Variants in POU6F2 observed in about 807,000 individuals in gnomAD.
POU6F2 encodes POU class 6 homeobox 2, also known as POU domain, class 6, transcription factor 2.
A neutral mutation model predicts 71.3 loss-of-function variants in POU6F2; 31 were observed. That is an observed-to-expected ratio of 0.43 (90% CI 0.33 to 0.59). The LOEUF (loss-of-function observed/expected upper bound fraction) is 0.59. Among genes scored for constraint, POU6F2 ranks in the 20% least tolerant of loss-of-function variants. POU6F2 has a pLI of 0.04. For missense variants in POU6F2, 783 were observed against 856.8 expected, an observed-to-expected ratio of 0.91 and a Z score of 1.07; for synonymous variants, 347 against 355.7, an observed-to-expected ratio of 0.98 and a Z score of 0.27.
intron 4 of POU6F2, among the ~76,000 whole-genome samples, chr7:39,244,522 A>C (rs991029213): frequency 6.6e-6 from 1 of 152,202 alleles, no homozygotes; most frequent in Non-Finnish European, 1.5e-5. Flanking sequence ...AATAGCTGGA[A>C]CTGGTATTAA....
intron 6 of POU6F2, among the ~76,000 whole-genome samples, chr7:39,419,308 T>C (rs1338946124): frequency 6.6e-6 from 1 of 151,822 alleles, no homozygotes; most frequent in Non-Finnish European, 1.5e-5. Flanking sequence ...TTGCCATCTC[T>C]GCTCACTGCA....
intron 2 of POU6F2, among the ~76,000 whole-genome samples, chr7:39,150,574 C>T (rs1377135298): frequency 6.9e-6 from 1 of 145,726 alleles, no homozygotes; most frequent in Non-Finnish European, 1.5e-5. Flanking sequence ...TCCAGTGATT[C>T]TCCTGCCTCA....
chr7:39,225,650 A>G lies in POU6F2; in HGVS notation c.598+18030A>G, dbSNP rs576366362. On this transcript the variant is annotated intron_variant, in intron 4 of 9. Coordinates refer to ENST00000518318, the MANE Select transcript of POU6F2 (RefSeq NM_001370959.1). Reference sequence around the variant, plus strand: ...CCATGAAGGGAAAAATTCCACATCCACGACATTCATAGAATTATCAGGTAT... The same window carrying G: ...CCATGAAGGGAAAAATTCCACATCCGCGACATTCATAGAATTATCAGGTAT... Among the ~76,000 whole-genome samples the G allele has an allele frequency of 2.0e-5, 3 of 152,376 alleles. No homozygotes were observed. The East Asian group carries it at 5.8e-4, about 29-fold the overall frequency.
chr7:39,225,931 G>C (rs1018210703), intron 4 of POU6F2, among the ~76,000 whole-genome samples: 1 of 151,230 alleles, frequency 6.6e-6, no homozygotes, highest in Non-Finnish European at 1.5e-5. Flanking sequence ...TCTCATGCCA[G>C]GTTTTAATGT....
At chr7:39,116,953 C>A (rs1052875941) in intron 2 of POU6F2, among the ~76,000 whole-genome samples, 1 of 152,024 alleles carries the variant, frequency 6.6e-6, no homozygotes, top group Non-Finnish European at 1.5e-5. Flanking sequence ...ATATTAGGAG[C>A]CTATCGTGAT....
At chr7:39,065,595 A>G (rs1463994374) in intron 1 of POU6F2, among the ~76,000 whole-genome samples, 1 of 151,542 alleles carries the variant, frequency 6.6e-6, no homozygotes, top group Non-Finnish European at 1.5e-5. Context: ...TAGGGGAAAA[A>G]AAGCATGAGT....
chr7:39,183,186 C>G (rs571029763), intron 2 of POU6F2, among the ~76,000 whole-genome samples: 4 of 152,314 alleles, frequency 2.6e-5, no homozygotes, highest in African/African-American at 9.6e-5. Flanking sequence ...CTGTGCACTC[C>G]TTATGAGAAT....
intron 6 of POU6F2, among the ~76,000 whole-genome samples, chr7:39,420,297 G>A (rs943159754): frequency 6.6e-6 from 1 of 152,170 alleles, no homozygotes; most frequent in Admixed American, 6.5e-5. Flanking sequence ...AAGAAAGAAT[G>A]TTTATGTTTA....
At chr7:39,027,732 A>G (rs771590838) in intron 1 of POU6F2, among the ~76,000 whole-genome samples, 3 of 152,202 alleles carry the variant, frequency 2.0e-5, no homozygotes, top group Admixed American at 6.5e-5. Flanking sequence ...CTCTTCCCCC[A>G]TAAACATACA....
At chr7:39,273,511 T>C (rs1352004360) in intron 4 of POU6F2, among the ~76,000 whole-genome samples, 1 of 152,074 alleles carries the variant, frequency 6.6e-6, no homozygotes, top group Admixed American at 6.6e-5. Flanking sequence ...TCCTCAGAAT[T>C]TTAAGGTCAT....
At chr7:39,236,677 G>A (rs1165502880) in intron 4 of POU6F2, among the ~76,000 whole-genome samples, 1 of 152,014 alleles carries the variant, frequency 6.6e-6, no homozygotes, top group Non-Finnish European at 1.5e-5. Context: ...AAGCGTATAA[G>A]TAGCATGCTA....
At position 39,008,388 on chromosome 7, in the gene POU6F2, A is replaced by AC. The variant is rs1324118482; in HGVS notation, c.105+30330_105+30331insC. 1.4e-4 allele frequency among the ~76,000 whole-genome samples: 22 copies of AC among 152,080 alleles called. No individual in the cohort carries two copies. The South Asian group carries it at 3.7e-3, about 26-fold the overall frequency. ...TTGATGGGGTTGTTTTTTCTTGTAA[A>AC]TTTGTTTGAGTTCATTGTAGATTCT... On this transcript the variant is annotated intron_variant, in intron 1 of 9. Coordinates refer to ENST00000518318, the MANE Select transcript of POU6F2 (RefSeq NM_001370959.1).
chr7:39,301,246 G>A (rs183806717), intron 4 of POU6F2, among the ~76,000 whole-genome samples: 34 of 152,294 alleles, frequency 2.2e-4, no homozygotes, highest in African/African-American at 7.7e-4. Flanking sequence ...AAGAAATGAT[G>A]AGATCTTCCC....
intron 4 of POU6F2, among the ~76,000 whole-genome samples, chr7:39,222,634 A>G (rs368577728): frequency 2.0e-5 from 3 of 152,198 alleles, no homozygotes. Flanking sequence ...CACTCTGGGT[A>G]CCTCATAGAA....
At chr7:39,153,016 C>T (rs1412319919) in intron 2 of POU6F2, among the ~76,000 whole-genome samples, 2 of 152,116 alleles carry the variant, frequency 1.3e-5, no homozygotes, top group Non-Finnish European at 2.9e-5. Context: ...TGCTCGCTTA[C>T]GCTTACTCAA....
chr7:39,117,026 C>CT (rs1791944913), intron 2 of POU6F2, among the ~76,000 whole-genome samples: 1 of 152,060 alleles, frequency 6.6e-6, no homozygotes, highest in African/African-American at 2.4e-5. Flanking sequence ...GAGAGAGCTC[C>CT]TTTTTTGAGG....
At chr7:39,404,067 C>CA (rs1787364224) in intron 5 of POU6F2, among the ~76,000 whole-genome samples, 5 of 152,174 alleles carry the variant, frequency 3.3e-5, no homozygotes, top group Admixed American at 3.3e-4. Context: ...GGAAAGGCAG[C>CA]AAAAAGAGGA....
rs886121974 is a variant in POU6F2 at position 39,424,493 on chromosome 7, G to A, written c.1114-8584G>A. Among the ~76,000 whole-genome samples, 13 of 151,980 alleles carry A rather than the reference G, an allele frequency of 8.6e-5. 1 individual carries two copies. Among genetic ancestry groups the A allele is most frequent in the Middle Eastern group, 6.3e-3 (2 of 316 alleles). On this transcript the variant is annotated intron_variant, in intron 6 of 9. Transcript: ENST00000518318. ...AGATATAATTTTAAAACATGTGTTC[G>A]TGGCAGGCACCTACACCGTGTTCAA... is the stretch of plus-strand genomic sequence containing the variant.
At chr7:38,992,945 A>T (rs1464219202) in intron 1 of POU6F2, among the ~76,000 whole-genome samples, 1 of 152,202 alleles carries the variant, frequency 6.6e-6, no homozygotes, top group Non-Finnish European at 1.5e-5. Flanking sequence ...CTTCATGCGT[A>T]CTTACAAATT....
Sources: allele counts gnomAD v4.1 joint callset (sites outside exome capture counted in the v4.1 genomes callset), GRCh38; gene constraint gnomAD v4.1.1; transcripts MANE v1.5; gene names NCBI Gene and HGNC (gene_info 2026-07-23, HGNC 2026-07-21).